Variants in HDAC1 observed in about 807,000 individuals in gnomAD.
HDAC1 encodes the protein histone deacetylase 1.
Under a neutral mutation model 65.5 loss-of-function variants are expected in HDAC1, and 18 were observed. The ratio of observed to expected loss-of-function variants is 0.27; its 90% CI spans 0.19 to 0.41. The LOEUF is 0.41. Ranked by LOEUF, HDAC1 falls within the 10% of genes least tolerant of loss-of-function variation. The probability of loss-of-function intolerance (pLI) is 1.00; values close to 1 mark genes in which losing one functional copy is unlikely to be tolerated. For missense variants in HDAC1, 373 were observed against 625.2 expected (o/e 0.60, Z 4.30); for synonymous variants, 211 against 227.9 (o/e 0.93, Z 0.67).
At chr1:32,320,323 T>A (rs978148627) in intron 3 of HDAC1, among the ~76,000 whole-genome samples, 45 of 152,076 alleles carry the variant, frequency 3.0e-4, no homozygotes, top group Non-Finnish European at 5.7e-4. Context: ...TTTCCTTGCT[T>A]GTGGCTGAAA....
At chr1:32,326,913 C>T in intron 4 of HDAC1, 26 bp from the exon 5 acceptor site, 4 of 1,612,906 alleles carry the variant, frequency 2.5e-6, no homozygotes, top group Non-Finnish European at 3.4e-6. Flanking sequence ...TAGTAACAGG[C>T]TTATGTTCTC....
chr1:32,326,076 G>A (rs1641213349), intron 4 of HDAC1, among the ~76,000 whole-genome samples: 1 of 152,116 alleles, frequency 6.6e-6, no homozygotes, highest in African/African-American at 2.4e-5. Context: ...GCACACATGG[G>A]TGTGTATTTA....
At position 32,302,657 on chromosome 1, in the gene HDAC1, C is replaced by G. The variant is rs1557600982; in HGVS notation, c.86C>G (p.Pro29Arg). Residue 29 changes from proline to arginine, a missense_variant, in exon 2 of 14, where the codon CCA (proline) becomes CGA (arginine). Pro to Arg is a moderately radical substitution (Grantham distance 103). Around this residue, in one of 4 missense-constraint regions of HDAC1, gnomAD observed 80 missense variants for 126.3 expected, o/e 0.63. Coordinates refer to ENST00000373548, the MANE Select transcript of HDAC1 (RefSeq NM_004964.3). The part of the protein sequence containing the change: ...VGNYYYGQGH[P>R]MKPHRIRMTH... ...AATTACTATTATGGACAAGGCCACC[C>G]AATGAAGCCTCACCGAATCCGCATG... 6.2e-7 allele frequency: 1 copy of G among 1,603,800 alleles called. No homozygotes were observed. The highest frequency in any genetic ancestry group is 8.5e-7 in the Non-Finnish European group (1 of 1,170,590).
Position 32,308,767 on chromosome 1 carries a change from C to T in HDAC1, c.162+6034C>T, listed in dbSNP as rs150725615. ...TCTCCTGACCTCGTGATCTGCCTGC[C>T]TCAGCCTCCCAAAGTGCTGGGATTA... is the stretch of plus-strand genomic sequence containing the variant. On this transcript the variant is annotated intron_variant, in intron 2 of 13. Transcript: ENST00000373548. Among the ~76,000 whole-genome samples, 1,081 of 152,164 alleles carry T rather than the reference C, an allele frequency of 7.1e-3. 8 individuals carry two copies. The highest frequency in any genetic ancestry group is 0.024 in the African/African-American group (984 of 41,520).
Position 32,327,396 on chromosome 1 carries a change from C to T in HDAC1, c.495-140C>T. Reference sequence around the variant, plus strand: ...TGGAGACACCCGGCCGCTCTTCCACCTTCCTTCAGCCAGTTTCCACGTCTC... The same window carrying T: ...TGGAGACACCCGGCCGCTCTTCCACTTTCCTTCAGCCAGTTTCCACGTCTC... On this transcript the variant is annotated intron_variant, in intron 5 of 13. Coordinates refer to ENST00000373548, the MANE Select transcript of HDAC1 (RefSeq NM_004964.3). This position sits in a 1 kb window ranked among gnomAD's most constrained non-coding sequence, Gnocchi z 6.0. The T allele has an allele frequency of 1.5e-5, 11 of 730,518 alleles. No individual in the cohort carries two copies. In the South Asian group the frequency reaches 1.5e-4, roughly 10 times the overall value. 45.3% of individuals were successfully genotyped at this position (730,518 alleles called of 1,614,324 possible).
chr1:32,320,407 G>T (rs1046835643), intron 3 of HDAC1, among the ~76,000 whole-genome samples: 1 of 152,042 alleles, frequency 6.6e-6, no homozygotes, highest in Non-Finnish European at 1.5e-5. Flanking sequence ...AAGTGAAAAT[G>T]GGAACACAAA....
rs1445530562 is a variant in HDAC1, at chr1:32,316,647, C to T, written c.163-18C>T. The T allele has an allele frequency of 8.1e-6, 12 of 1,489,238 alleles. No individual in the cohort carries two copies. The highest frequency in any genetic ancestry group is 1.1e-5 in the Non-Finnish European group (12 of 1,067,418). 92.3% of individuals were successfully genotyped at this position (1,489,238 alleles called of 1,614,324 possible). On this transcript the variant is annotated intron_variant, in intron 2 of 13. Coordinates refer to ENST00000373548, the MANE Select transcript of HDAC1 (RefSeq NM_004964.3). ...CGTGGTCAAAAATAACTTGCCCTTT[C>T]TCCCTTCTGCCCTCTAGCGCCCTCA...
rs769386006 is a variant in HDAC1, at chr1:32,327,558, A to C, written c.517A>C (p.Ile173Leu). Residue 173 changes from isoleucine (I) to leucine (L), a missense_variant, in exon 6 of 14, where the codon ATT (isoleucine) becomes CTT (leucine). Coordinates refer to ENST00000373548, the MANE Select transcript of HDAC1 (RefSeq NM_004964.3). The surrounding 1 kb of genome is among the most constrained non-coding windows in gnomAD (Gnocchi z 6.0). The stretch of plus-strand genomic sequence containing the variant: ...TAGGTATCACCAGAGGGTGCTGTAC[A>C]TTGACATTGATATTCACCATGGTGA... The part of the protein sequence containing the change: ...LLKYHQRVLY[I>L]DIDIHHGDGV... The C allele has an allele frequency of 1.2e-6, 2 of 1,613,054 alleles. No individual in the cohort carries two copies. Among genetic ancestry groups the C allele is most frequent in the Non-Finnish European group, 1.7e-6 (2 of 1,179,534 alleles).
At chr1:32,313,942 T>C (rs1641024305) in intron 2 of HDAC1, among the ~76,000 whole-genome samples, 1 of 152,166 alleles carries the variant, frequency 6.6e-6, no homozygotes, top group South Asian at 2.1e-4. Context: ...TGGAAATGAA[T>C]GATTGAATTC....
rs1379455035 is a variant in HDAC1 at position 32,327,894 on chromosome 1, G to T, written c.636+217G>T. On this transcript the variant is annotated intron_variant, in intron 6 of 13. Transcript: ENST00000373548. The surrounding 1 kb of genome is among the most constrained non-coding windows in gnomAD (Gnocchi z 6.0). ...GCCAGAGAAAGAAGAGGGGTCTCCT[G>T]ACTCACTGTACTTTCCTCCTGGCCA... 5 of 599,260 alleles carry T rather than the reference G, an allele frequency of 8.3e-6. No individual in the cohort carries two copies. The East Asian group carries it at 1.4e-4, about 17-fold the overall frequency. The allele number at this position is 599,260 out of a possible 1,614,324, so 37.1% of individuals were successfully genotyped here. A position where few individuals can be genotyped will look rare whatever the true frequency, so the allele number is the denominator to read the frequency against.
At chr1:32,300,480 G>A (rs960464196) in intron 1 of HDAC1, among the ~76,000 whole-genome samples, 12 of 151,838 alleles carry the variant, frequency 7.9e-5, no homozygotes, top group Non-Finnish European at 1.8e-4. Context: ...GCTTGAACCT[G>A]GGAGGCAGAG....
chr1:32,302,076 T>C (rs1031180409), intron 1 of HDAC1, among the ~76,000 whole-genome samples: 2 of 152,174 alleles, frequency 1.3e-5, no homozygotes, highest in Non-Finnish European at 2.9e-5. Flanking sequence ...AGGGACCAAT[T>C]AGAAGGCTAG....
chr1:32,321,288 G>A (rs1641140965), intron 3 of HDAC1, among the ~76,000 whole-genome samples: 1 of 151,346 alleles, frequency 6.6e-6, no homozygotes, highest in Non-Finnish European at 1.5e-5. Flanking sequence ...CCAATACCCA[G>A]CCTGAGAAAG....
chr1:32,323,864 C>T (rs372658447), intron 3 of HDAC1, among the ~76,000 whole-genome samples: 3 of 152,150 alleles, frequency 2.0e-5, no homozygotes, highest in African/African-American at 4.8e-5. Flanking sequence ...TGTCAGCTGG[C>T]GTGAGGGCCA....
intron 6 of HDAC1, among the ~76,000 whole-genome samples, chr1:32,328,444 G>C (rs1193964129): frequency 6.6e-6 from 1 of 152,014 alleles, no homozygotes; most frequent in Non-Finnish European, 1.5e-5. Context: ...CGAATAGCCG[G>C]GATTTAGCTG....
At chr1:32,302,465 T>A (rs900766731) in intron 1 of HDAC1, among the ~76,000 whole-genome samples, 156 bp from the exon 2 acceptor site, 1 of 151,106 alleles carries the variant, frequency 6.6e-6, no homozygotes, top group Admixed American at 6.6e-5. Context: ...TTTTTTTTTT[T>A]CTTTTGGAGT....
intron 2 of HDAC1, among the ~76,000 whole-genome samples, chr1:32,305,301 CT>C (rs1640896907): frequency 6.6e-6 from 1 of 152,150 alleles, no homozygotes; most frequent in South Asian, 2.1e-4. Flanking sequence ...CTGCTATGAA[CT>C]TTCTTGAACA....
chr1:32,330,652 G>C lies in HDAC1; in HGVS notation c.804G>C (p.Gly268=). ...VLQCGSDSLS[G]DRLGCFNLTI... is the part of the protein sequence containing the mutation. ...AGTGTGGCTCAGACTCCCTATCTGG[G>C]GATCGGTTAGGTTGCTTCAATCTAA... The change falls in exon 8 of 14, where the codon GGG becomes GGC. Residue 268 remains glycine, a synonymous_variant. Coordinates refer to ENST00000373548, the MANE Select transcript of HDAC1 (RefSeq NM_004964.3). The surrounding 1 kb of genome is among the most constrained non-coding windows in gnomAD (Gnocchi z 4.2). 1.2e-6 allele frequency: 2 copies of C among 1,613,888 alleles called. No individual in the cohort carries two copies. Among genetic ancestry groups the C allele is most frequent in the Non-Finnish European group, 1.7e-6 (2 of 1,179,796 alleles).
At chr1:32,317,941 C>G (rs190843637) in intron 3 of HDAC1, among the ~76,000 whole-genome samples, 1 of 152,260 alleles carries the variant, frequency 6.6e-6, no homozygotes, top group African/African-American at 2.4e-5. Flanking sequence ...TTCCTAGCCC[C>G]TCTGGTGTTA....
Sources: allele counts gnomAD v4.1 joint callset (sites outside exome capture counted in the v4.1 genomes callset), GRCh38; gene constraint gnomAD v4.1.1; regional missense constraint gnomAD v4.1.1; non-coding constraint Gnocchi (gnomAD v3.1); transcripts MANE v1.5; gene names NCBI Gene and HGNC (gene_info 2026-07-23, HGNC 2026-07-21).